Variants in DET1 observed in about 807,000 individuals in gnomAD.
DET1 encodes the protein DET1 partner of COP1 E3 ubiquitin ligase, also known as DET1 homolog.
DET1 carries 22 observed loss-of-function variants against 43.7 expected under a neutral mutation model. The observed-to-expected ratio is 0.50, with a 90% confidence interval of 0.36 to 0.72. DET1 has a LOEUF of 0.72. Among genes scored for constraint, DET1 ranks in the 30% least tolerant of loss-of-function variants. The pLI, the probability that DET1 is intolerant of heterozygous loss-of-function variation, is 0.00. For missense variants in DET1, 713 were observed against 713.3 expected, an observed-to-expected ratio of 1.00 and a Z score of 0.00; for synonymous variants, 315 against 266.2, an observed-to-expected ratio of 1.18 and a Z score of -1.79.
At position 88,531,501 on chromosome 15, in the gene DET1, C is replaced by T. The variant is rs999324891; in HGVS notation, c.205G>A (p.Gly69Arg). The change falls in exon 2 of 5, where the codon GGA becomes AGA. Residue 69 changes from glycine (G) to arginine (R), a missense_variant. Gly to Arg is a moderately radical substitution (Grantham distance 125, BLOSUM62 -2). Coordinates refer to ENST00000268148, the MANE Select transcript of DET1 (RefSeq NM_001144074.3). The surrounding 1 kb of genome is among the most constrained non-coding windows in gnomAD (Gnocchi z 6.2). ...PCFLRKFSPD[G>R]RYFIAFSSDQ... Reference sequence around the variant, plus strand: ...GAAGAAAAAGCAATAAAGTAGCGTCCATCAGGTGAGAATTTACGCAAGAAA... The same window carrying T: ...GAAGAAAAAGCAATAAAGTAGCGTCTATCAGGTGAGAATTTACGCAAGAAA... 1 of 1,614,002 alleles carries T rather than the reference C, an allele frequency of 6.2e-7. No individual in the cohort carries two copies. The highest frequency in any genetic ancestry group is 8.5e-7 in the Non-Finnish European group (1 of 1,179,892).
chr15:88,534,450 G>A (rs2056896527), intron 1 of DET1, among the ~76,000 whole-genome samples: 1 of 152,180 alleles, frequency 6.6e-6, no homozygotes, highest in South Asian at 2.1e-4. Context: ...GCTGCTTGAA[G>A]AGCAAGTGTG....
exon 8 of DET1, chr15:88,503,937 G>A (rs6496491): frequency 0.69 from 105,281 of 151,578 alleles, 36,814 homozygotes; most frequent in South Asian, 0.84. Flanking sequence ...GAGGTCTACA[G>A]TGAGCCATGA....
At chr15:88,518,699 A>AT (rs1044162317) in intron 3 of DET1, among the ~76,000 whole-genome samples, 2 of 152,032 alleles carry the variant, frequency 1.3e-5, no homozygotes, top group South Asian at 2.1e-4. Flanking sequence ...GGGGATATCA[A>AT]TTTTTTTTAG....
chr15:88,542,536 C>A (rs1382599484), intron 1 of DET1, among the ~76,000 whole-genome samples: 1 of 152,140 alleles, frequency 6.6e-6, no homozygotes, highest in Non-Finnish European at 1.5e-5. Flanking sequence ...ATTTGAGGCT[C>A]AGGCAGCCCT....
intron 1 of DET1, among the ~76,000 whole-genome samples, chr15:88,535,118 T>C (rs2056914213): frequency 6.6e-6 from 1 of 152,094 alleles, no homozygotes; most frequent in African/African-American, 2.4e-5. Context: ...TTCTTAAAGA[T>C]CCAGATAAGA....
intron 1 of DET1, among the ~76,000 whole-genome samples, chr15:88,537,037 C>G (rs2056970979): frequency 6.6e-6 from 1 of 152,028 alleles, no homozygotes; most frequent in South Asian, 2.1e-4. Context: ...GTTCCAAATG[C>G]CTTATATAAG....
chr15:88,520,412 C>T (rs1338282994), intron 3 of DET1, among the ~76,000 whole-genome samples: 1 of 152,216 alleles, frequency 6.6e-6, no homozygotes, highest in African/African-American at 2.4e-5. Flanking sequence ...CAATGACCTG[C>T]ACATTGCTAA....
chr15:88,513,711 T>A (rs2056261008), intron 4 of DET1, among the ~76,000 whole-genome samples: 1 of 148,498 alleles, frequency 6.7e-6, no homozygotes, highest in Admixed American at 6.7e-5. Context: ...AGTACCCAAT[T>A]GCCACATGTG....
intron 3 of DET1, among the ~76,000 whole-genome samples, chr15:88,523,772 G>C (rs534748745): frequency 1.3e-5 from 2 of 152,144 alleles, no homozygotes; most frequent in South Asian, 4.1e-4. Context: ...GTGCAGTGGC[G>C]TGATCTCCGC....
chr15:88,514,676 T>C (rs2056292393), intron 4 of DET1, among the ~76,000 whole-genome samples: 1 of 152,116 alleles, frequency 6.6e-6, no homozygotes, highest in Non-Finnish European at 1.5e-5. Context: ...AAAAACAGAC[T>C]ACAAAAAATG....
At position 88,517,491 on chromosome 15, in the gene DET1, G is replaced by T. The variant is rs150028114; in HGVS notation, c.1272-518C>A. Among the ~76,000 whole-genome samples, 832 of 152,206 alleles carry T rather than the reference G, an allele frequency of 5.5e-3. 4 individuals are homozygous for T. The highest frequency in any genetic ancestry group is 8.5e-3 in the Non-Finnish European group (580 of 68,014). ...TCTGCCCGCCTTGGCCTCCCAAAAT[G>T]CTAGGATTACAGATATGAGCCACCA... is the stretch of plus-strand genomic sequence containing the variant. On this transcript the variant is annotated intron_variant, in intron 3 of 4. Transcript: ENST00000268148.
intron 4 of DET1, among the ~76,000 whole-genome samples, chr15:88,515,565 A>T (rs886264743): frequency 1.3e-5 from 2 of 149,610 alleles, no homozygotes; most frequent in African/African-American, 5.0e-5. Context: ...AAAAAAAAAA[A>T]AAAGACCGAA....
At chr15:88,530,587 G>A in intron 2 of DET1, 36 bp downstream of exon 2, 3 of 1,546,216 alleles carry the variant, frequency 1.9e-6, no homozygotes, top group Non-Finnish European at 2.6e-6. Flanking sequence ...TTGCCAAGGA[G>A]ATTAGACAAG....
chr15:88,517,270 G>A (rs928567761), intron 3 of DET1, among the ~76,000 whole-genome samples: 7 of 143,780 alleles, frequency 4.9e-5, no homozygotes, highest in African/African-American at 1.8e-4. Context: ...TTGTTGCCCA[G>A]GCTGGAGTAC....
At chr15:88,527,550 C>A (rs1182257356) in intron 3 of DET1, 49 bp downstream of exon 3, 8 of 1,508,784 alleles carry the variant, frequency 5.3e-6, no homozygotes, top group Non-Finnish European at 7.1e-6. Context: ...ATTGGCCTAA[C>A]ACCAATTTTT....
intron 4 of DET1, among the ~76,000 whole-genome samples, chr15:88,515,538 TATAAAA>T (rs1387223943): frequency 1.7e-4 from 8 of 47,480 alleles, no homozygotes; most frequent in African/African-American, 3.9e-4. Context: ...GACTCCGTCT[TATAAAA>T]AAAAAAAAAA....
At chr15:88,520,404 A>T (rs550811701) in intron 3 of DET1, among the ~76,000 whole-genome samples, 88 of 152,282 alleles carry the variant, frequency 5.8e-4, no homozygotes, top group African/African-American at 2.1e-3. Flanking sequence ...AAGGTCACCA[A>T]TGACCTGCAC....
chr15:88,531,069 T>C lies in DET1; in HGVS notation c.637A>G (p.Lys213Glu). 2 of 1,613,932 alleles carry C rather than the reference T, an allele frequency of 1.2e-6. No homozygotes were observed. Among genetic ancestry groups the C allele is most frequent in the Non-Finnish European group, 1.7e-6 (2 of 1,179,846 alleles). Residue 213 changes from lysine to glutamate, a missense_variant, in exon 2 of 5, where the codon AAG (lysine) becomes GAG (glutamate). Physicochemically the swap from Lys to Glu is moderately conservative, Grantham distance 56. Transcript: ENST00000268148. This position sits in a 1 kb window ranked among gnomAD's most constrained non-coding sequence, Gnocchi z 6.2. ...LCDTRTFKCD[K>E]VVLSHNQGLY... Reference sequence around the variant, plus strand: ...CCTTGGTTGTGTGACAAGACCACCTTGTCACACTTGAACGTGCGTGTATCA... The same window carrying C: ...CCTTGGTTGTGTGACAAGACCACCTCGTCACACTTGAACGTGCGTGTATCA...
chr15:88,509,360 G>C (rs1271538966), downstream of DET1, among the ~76,000 whole-genome samples: 1 of 152,194 alleles, frequency 6.6e-6, no homozygotes, highest in African/African-American at 2.4e-5. Context: ...GTGCAAAACA[G>C]CAATTTCAGA....
Sources: gnomAD v4.1 joint callset for allele counts (sites outside exome capture counted in the v4.1 genomes callset) on GRCh38, gnomAD v4.1.1 for gene constraint, Gnocchi (gnomAD v3.1) non-coding constraint, MANE v1.5 for transcripts, NCBI Gene and HGNC (gene_info 2026-07-23, HGNC 2026-07-21) for gene names.